The following RBM20 variants were observed in gnomAD, a reference collection of about 807,000 sequenced individuals.
The protein encoded by RBM20 is RNA-binding protein 20.
RBM20 carries 51 observed loss-of-function variants against 110.1 expected under a neutral mutation model. The observed-to-expected ratio is 0.46, with a 90% CI of 0.37 to 0.59. The LOEUF (loss-of-function observed/expected upper bound fraction) is 0.59, where lower values mean the gene tolerates loss of function less well. Ranked by LOEUF, RBM20 falls within the 20% of genes least tolerant of loss-of-function variation. RBM20 has a pLI of 0.00. For missense variants in RBM20, 1,512 were observed against 1,574.9 expected, an observed-to-expected ratio of 0.96 and a Z score of 0.68; for synonymous variants, 589 against 618.2, an observed-to-expected ratio of 0.95 and a Z score of 0.70.
At chr10:110,744,235 G>C (rs1255121571) in intron 1 of RBM20, among the ~76,000 whole-genome samples, 1 of 152,194 alleles carries the variant, frequency 6.6e-6, no homozygotes, top group Non-Finnish European at 1.5e-5. Flanking sequence ...GTCAAGCACA[G>C]TGCCTGGCAC....
intron 1 of RBM20, among the ~76,000 whole-genome samples, chr10:110,740,773 C>CTGT (rs1843716924): frequency 6.6e-6 from 1 of 152,120 alleles, no homozygotes; most frequent in African/African-American, 2.4e-5. Context: ...TGTGTGAAAA[C>CTGT]ATACAAAGAC....
intron 1 of RBM20, among the ~76,000 whole-genome samples, chr10:110,716,923 G>GA (rs34627248): frequency 2.1e-5 from 3 of 144,586 alleles, no homozygotes; most frequent in South Asian, 2.2e-4. Context: ...AAAAAAAAAA[G>GA]AAAAAAAAAA....
At chr10:110,702,420 C>T (rs1163226245) in intron 1 of RBM20, among the ~76,000 whole-genome samples, 1 of 152,132 alleles carries the variant, frequency 6.6e-6, no homozygotes, top group East Asian at 1.9e-4. Flanking sequence ...CCTGTAGTCC[C>T]AGCTAGTCTG....
At chr10:110,697,910 T>C (rs938401353) in intron 1 of RBM20, among the ~76,000 whole-genome samples, 1 of 128,300 alleles carries the variant, frequency 7.8e-6, no homozygotes, top group African/African-American at 2.7e-5. Context: ...TCTTTTTTTT[T>C]TTCTTTTTTT....
chr10:110,671,017 G>A (rs915851360), intron 1 of RBM20, among the ~76,000 whole-genome samples: 1 of 152,130 alleles, frequency 6.6e-6, no homozygotes, highest in Non-Finnish European at 1.5e-5. Flanking sequence ...TGGCATTGGC[G>A]CTGCCAAAGA....
chr10:110,670,108 G>A (rs1862236931), intron 1 of RBM20, among the ~76,000 whole-genome samples: 1 of 151,704 alleles, frequency 6.6e-6, no homozygotes, highest in Non-Finnish European at 1.5e-5. Context: ...TTTTTTAGAT[G>A]GTGATTTTTG....
intron 1 of RBM20, among the ~76,000 whole-genome samples, chr10:110,673,687 C>T (rs1336061257): frequency 1.3e-5 from 2 of 152,184 alleles, no homozygotes; most frequent in East Asian, 3.8e-4. Context: ...TCTGTGTGAT[C>T]TGAAACCTAG....
At chr10:110,774,205 G>A (rs6585011) in intron 1 of RBM20, among the ~76,000 whole-genome samples, 46,751 of 152,038 alleles carry the variant, frequency 0.31, 7,459 homozygotes, top group East Asian at 0.45. Context: ...AGATGAGACA[G>A]CTAATGAAGT....
chr10:110,678,299 A>T (rs1046243174), intron 1 of RBM20, among the ~76,000 whole-genome samples: 4 of 152,238 alleles, frequency 2.6e-5, no homozygotes, highest in African/African-American at 9.6e-5. Context: ...AAGGCATTTA[A>T]ATACATTACT....
Position 110,812,296 on chromosome 10 carries a change from G to A in RBM20, c.1899G>A (p.Pro633=), listed in dbSNP as rs1446760969. 2.7e-5 allele frequency: 42 copies of A among 1,546,426 alleles called. No individual in the cohort carries two copies. Among genetic ancestry groups the A allele is most frequent in the Admixed American group, 7.9e-5 (4 of 50,826 alleles). ...CTCACAGATATGGCCCAGAAAGGCC[G>A]CGGTCTCGTAGTCCGGTGAGCCGGT... ...READRYGPER[P]RSRSPVSRSL... The change falls in exon 9 of 14, where the codon CCG becomes CCA. Residue 633 remains proline (P), a synonymous_variant. Transcript: ENST00000369519.
At chr10:110,799,447 CT>C (rs1011742607) in intron 6 of RBM20, among the ~76,000 whole-genome samples, 1 of 152,248 alleles carries the variant, frequency 6.6e-6, no homozygotes, top group Admixed American at 6.5e-5. Context: ...CTTGTGCTGA[CT>C]TTTTTTCCTT....
intron 1 of RBM20, among the ~76,000 whole-genome samples, chr10:110,649,291 A>T (rs933095627): frequency 2.0e-5 from 3 of 151,968 alleles, no homozygotes; most frequent in Non-Finnish European, 4.4e-5. Context: ...TCTTGACTCC[A>T]GTTTAAACTA....
rs1844697687 is a variant in RBM20 at position 110,806,523 on chromosome 10, G to A, written c.1801-3860G>A. On this transcript the variant is annotated intron_variant, in intron 7 of 13. Transcript: ENST00000369519. The stretch of plus-strand genomic sequence containing the variant: ...CTCTGTCACGAGAGTAGTACTGGGG[G>A]ATGGTGCTAAACCATTAAAAACCAC... Among the ~76,000 whole-genome samples, 3 of 152,114 alleles carry A rather than the reference G, an allele frequency of 2.0e-5. No homozygotes were observed. The South Asian group carries it at 6.2e-4, about 32-fold the overall frequency.
chr10:110,822,351 G>A, intron 11 of RBM20: 1 of 444,444 alleles, frequency 2.3e-6, no homozygotes, highest in South Asian at 1.7e-5. Context: ...AGAAAGGAGT[G>A]GAAGGGGAAG....
intron 1 of RBM20, among the ~76,000 whole-genome samples, chr10:110,662,263 T>C (rs1267212543): frequency 6.6e-6 from 1 of 152,202 alleles, no homozygotes; most frequent in African/African-American, 2.4e-5. Flanking sequence ...AGGAAGCCAC[T>C]TGCGGTTCAC....
intron 12 of RBM20, chr10:110,827,801 A>C (rs1215103954): frequency 1.3e-5 from 2 of 152,324 alleles, no homozygotes; most frequent in Non-Finnish European, 2.9e-5. Context: ...CCGGGGCTGC[A>C]TAACCCTTTA....
At chr10:110,808,052 T>C (rs990021624) in intron 7 of RBM20, among the ~76,000 whole-genome samples, 2 of 152,238 alleles carry the variant, frequency 1.3e-5, no homozygotes, top group African/African-American at 2.4e-5. Context: ...ACAGGTCCTT[T>C]CAGGGACCAG....
At chr10:110,822,327 G>C (rs913287250) in intron 11 of RBM20, 1 of 434,642 alleles carries the variant, frequency 2.3e-6, no homozygotes, top group East Asian at 6.5e-5. Context: ...ATGGGGGCAA[G>C]AGTAGGGGAT....
chr10:110,694,142 G>A (rs1298509935), intron 1 of RBM20, among the ~76,000 whole-genome samples: 1 of 152,142 alleles, frequency 6.6e-6, no homozygotes, highest in Admixed American at 6.5e-5. Context: ...AGCATTTGCT[G>A]CCCTCTACCA....
Sources: gnomAD v4.1 joint callset for allele counts (sites outside exome capture counted in the v4.1 genomes callset) on GRCh38, gnomAD v4.1.1 for gene constraint, MANE v1.5 for transcripts, NCBI Gene and HGNC (gene_info 2026-07-23, HGNC 2026-07-21) for gene names.